TMEM259: variants seen among roughly 807,000 people sequenced by gnomAD.
The protein encoded by TMEM259 is transmembrane protein 259, also known as membralin.
In TMEM259, 26 loss-of-function variants were observed where a neutral mutation model predicts 46.7. That is an observed-to-expected ratio of 0.56 (90% CI 0.41 to 0.77). The LOEUF (loss-of-function observed/expected upper bound fraction) is 0.77. Ranked by LOEUF, TMEM259 falls within the 30% of genes least tolerant of loss-of-function variation. TMEM259 has a pLI of 0.00. For synonymous variants in TMEM259, 494 were observed against 395.1 expected (o/e 1.25, Z -2.97); for missense variants, 930 against 900.5 (o/e 1.03, Z -0.42).
chr19:1,009,970 C>G lies in TMEM259; in HGVS notation c.*380G>C, dbSNP rs1230291028. ...AGAGCCGGGCTGAGGCCGGCCGGCA[C>G]TAGGGCGCGAGGCCCCACCCCAAGC... On this transcript the variant is annotated 3_prime_UTR_variant, in exon 11 of 11. Coordinates refer to ENST00000356663, the MANE Select transcript of TMEM259 (RefSeq NM_001033026.2). 6.3e-6 allele frequency: 2 copies of G among 318,768 alleles called. No homozygotes were observed. The highest frequency in any genetic ancestry group is 7.5e-5 in the South Asian group (1 of 13,418). The allele number at this position is 318,768 out of a possible 1,614,324, so 19.7% of individuals were successfully genotyped here. A position where few individuals can be genotyped will look rare whatever the true frequency, so the allele number is the denominator to read the frequency against.
Position 1,009,916 on chromosome 19 carries a change from T to C in TMEM259, c.*434A>G, listed in dbSNP as rs2038841539. The C allele has an allele frequency of 9.0e-6, 3 of 333,560 alleles. No homozygotes were observed. The highest frequency in any genetic ancestry group is 1.6e-5 in the Non-Finnish European group (3 of 182,872). The allele number at this position is 333,560 out of a possible 1,614,324, so 20.7% of individuals were successfully genotyped here. On this transcript the variant is annotated 3_prime_UTR_variant, in exon 11 of 11. Coordinates refer to ENST00000356663, the MANE Select transcript of TMEM259 (RefSeq NM_001033026.2). ...CGCACACGCGGGGAGGGCGGGGCCA[T>C]GGAGAAGGCACTGCAGGGAGCACCA...
chr19:1,011,691 G>GT, intron 7 of TMEM259, 28 bp from the exon 8 acceptor site: 1 of 1,534,848 alleles, frequency 6.5e-7, no homozygotes, highest in South Asian at 1.2e-5. Context: ...CGGGCGCCCG[G>GT]TGAGGGCCTG....
rs199888865 is a variant in TMEM259 at position 1,011,425 on chromosome 19, C to T, written c.1159G>A (p.Ala387Thr). ...AFYIILIVWL[A>T]DQYDAICCHT... ...CAGCAGATGGCGTCATACTGGTCCG[C>T]GAGCCACACGATGAGGATGATGTAG... is the stretch of plus-strand genomic sequence containing the variant. Residue 387 changes from alanine to threonine, a missense_variant, in exon 9 of 11, where the codon GCG (alanine) becomes ACG (threonine). Ala to Thr is a moderately conservative substitution (Grantham distance 58). Coordinates refer to ENST00000356663, the MANE Select transcript of TMEM259 (RefSeq NM_001033026.2). 7.1e-6 allele frequency: 11 copies of T among 1,552,034 alleles called. No homozygotes were observed. The East Asian group carries it at 1.2e-4, about 17-fold the overall frequency.
At chr19:1,017,143 C>T (rs991350838) in intron 1 of TMEM259, 7 of 398,112 alleles carry the variant, frequency 1.8e-5, no homozygotes, top group East Asian at 3.6e-5. Context: ...AGGCTCATCC[C>T]GAGTCCCGGG....
rs568906861 is a variant in TMEM259, at chr19:1,010,173, C to T, written c.*177G>A. ...CACTAGCGGGTACAAGCCTCGGGCG[C>T]GACCTCACACCAGGGGGAGGAAAGC... On this transcript the variant is annotated 3_prime_UTR_variant, in exon 11 of 11. Transcript: ENST00000356663. 1.4e-4 allele frequency: 81 copies of T among 594,694 alleles called. 2 individuals are homozygous for T. The South Asian group carries it at 1.9e-3, about 14-fold the overall frequency. 36.8% of individuals were successfully genotyped at this position (594,694 alleles called of 1,614,324 possible). A position where few individuals can be genotyped will look rare whatever the true frequency, so the allele number is the denominator to read the frequency against.
chr19:1,014,434 C>G lies in TMEM259; in HGVS notation c.265G>C (p.Val89Leu). Reference protein sequence around the residue: ...VLFVLAYIHIVFSRSPINCLE... With the variant: ...VLFVLAYIHILFSRSPINCLE... ...CAGTTGATGGGCGAGCGGGAGAAGA[C>G]GATGTGGATGTAGGCCAGGACGAAG... Residue 89 changes from valine to leucine, a missense_variant, in exon 2 of 11, where the codon GTC (valine) becomes CTC (leucine). Val to Leu is a conservative substitution (Grantham distance 32). Transcript: ENST00000356663. 6.2e-7 allele frequency: 1 copy of G among 1,611,916 alleles called. No individual in the cohort carries two copies. Among genetic ancestry groups the G allele is most frequent in the Non-Finnish European group, 8.5e-7 (1 of 1,179,856 alleles).
rs770199719 is a variant in TMEM259, at chr19:1,012,099, C to T, written c.808G>A (p.Val270Met). Residue 270 changes from valine to methionine, a missense_variant, in exon 5 of 11, where the codon GTG becomes ATG. Coordinates refer to ENST00000356663, the MANE Select transcript of TMEM259 (RefSeq NM_001033026.2). ...TCCTCGTTCTCGGCCAGGCCCTTCA[C>T]GCTGGACATGAGGATGTCATCGTAG... The part of the protein sequence containing the change: ...LGYDDILMSS[V>M]KGLAENEENK... 1.2e-5 allele frequency: 19 copies of T among 1,611,574 alleles called. No homozygotes were observed. The highest frequency in any genetic ancestry group is 2.7e-5 in the African/African-American group (2 of 74,900).
In TMEM259 at chr19:1,010,619, C is replaced by G. The variant is rs2038873932; in HGVS notation, c.1594G>C (p.Ala532Pro). Reference protein sequence around the residue: ...SLVAAAASVAAAAGGDLGWMA... With the variant: ...SLVAAAASVAPAAGGDLGWMA... ...CAACCCAGGTCACCACCGGCAGCTG[C>G]TGCCACTGAGGCTGCCGCGGCCACC... Residue 532 changes from alanine (A) to proline (P), a missense_variant, in exon 11 of 11, where the codon GCA (alanine) becomes CCA (proline). Ala to Pro is a conservative substitution (Grantham distance 27, BLOSUM62 -1). Coordinates refer to ENST00000356663, the MANE Select transcript of TMEM259 (RefSeq NM_001033026.2). 6.5e-7 allele frequency: 1 copy of G among 1,548,786 alleles called. No homozygotes were observed. Among genetic ancestry groups the G allele is most frequent in the African/African-American group, 1.4e-5 (1 of 73,154 alleles).
intron 2 of TMEM259, among the ~76,000 whole-genome samples, chr19:1,013,872 T>C (rs936280228): frequency 1.3e-5 from 2 of 151,966 alleles, no homozygotes; most frequent in African/African-American, 2.4e-5. Flanking sequence ...CCTCAGCTAT[T>C]GCTGCCCACT....
chr19:1,010,430 T>G lies in TMEM259; in HGVS notation c.1783A>C (p.Thr595Pro). Reference protein sequence around the residue: ...PPSDSAASDTTPLGAAVGGPS... With the variant: ...PPSDSAASDTPPLGAAVGGPS... ...CCGCCTACCGCAGCCCCCAGGGGAGTTGTGTCAGAAGCTGCGGAGTCACTC... is the reference window on the plus strand; with the variant it reads ...CCGCCTACCGCAGCCCCCAGGGGAGGTGTGTCAGAAGCTGCGGAGTCACTC... The change falls in exon 11 of 11, where the codon ACT (threonine) becomes CCT (proline). Residue 595 changes from threonine (T) to proline (P), a missense_variant. Coordinates refer to ENST00000356663, the MANE Select transcript of TMEM259 (RefSeq NM_001033026.2). 1 of 1,529,824 alleles carries G rather than the reference T, an allele frequency of 6.5e-7. No individual in the cohort carries two copies. The highest frequency in any genetic ancestry group is 8.8e-7 in the Non-Finnish European group (1 of 1,140,438). The allele number at this position is 1,529,824 out of a possible 1,614,324, so 94.8% of individuals were successfully genotyped here.
chr19:1,019,977 G>A (rs1180167364), intron 1 of TMEM259, among the ~76,000 whole-genome samples: 4 of 152,170 alleles, frequency 2.6e-5, no homozygotes, highest in African/African-American at 9.7e-5. Context: ...TGAGACCTCT[G>A]CCATCTGAGG....
chr19:1,015,732 G>A (rs993665574), intron 1 of TMEM259, among the ~76,000 whole-genome samples: 20 of 152,288 alleles, frequency 1.3e-4, no homozygotes, highest in South Asian at 6.2e-4. Flanking sequence ...TCCGTGACCC[G>A]TGACCTGCTG....
rs766363691 is a variant in TMEM259 at position 1,011,667 on chromosome 19, C to A, written c.1001-4G>T. On this transcript the variant is annotated splice_polypyrimidine_tract_variant and splice_region_variant and intron_variant, in intron 7 of 10. Coordinates refer to ENST00000356663, the MANE Select transcript of TMEM259 (RefSeq NM_001033026.2). ...TCCAGCATCTGCAGCAGGTCCACTG[C>A]GGGCACAGGGCGGCGGGCGCCCGGT... 27 of 1,544,200 alleles carry A rather than the reference C, an allele frequency of 1.7e-5. No individual in the cohort carries two copies. The highest frequency in any genetic ancestry group is 8.4e-5 in the South Asian group (7 of 83,566).
At chr19:1,012,959 C>G (rs1164479708) in intron 3 of TMEM259, among the ~76,000 whole-genome samples, 1 of 152,194 alleles carries the variant, frequency 6.6e-6, no homozygotes, top group African/African-American at 2.4e-5. Flanking sequence ...CTGAGCACAG[C>G]CCGCTAGAAC....
Position 1,009,703 on chromosome 19 carries a change from C to T in TMEM259, c.*647G>A, listed in dbSNP as rs1328060535. On this transcript the variant is annotated 3_prime_UTR_variant, in exon 11 of 11. Transcript: ENST00000356663. Reference sequence around the variant, plus strand: ...TATACAAACACAATTTTGTACACTGCAATTAAATAGAATGGAATGAGCGCT... The same window carrying T: ...TATACAAACACAATTTTGTACACTGTAATTAAATAGAATGGAATGAGCGCT... 5 of 998,166 alleles carry T rather than the reference C, an allele frequency of 5.0e-6. No homozygotes were observed. Among genetic ancestry groups the T allele is most frequent in the Non-Finnish European group, 5.4e-6 (4 of 744,058 alleles). The allele number at this position is 998,166 out of a possible 1,614,324, so 61.8% of individuals were successfully genotyped here. A position where few individuals can be genotyped will look rare whatever the true frequency, so the allele number is the denominator to read the frequency against.
rs375149925 is a variant in TMEM259 at position 1,010,773 on chromosome 19, A to G, written c.1440T>C (p.Asp480=). 63 of 1,552,080 alleles carry G rather than the reference A, an allele frequency of 4.1e-5. No individual in the cohort carries two copies. Among genetic ancestry groups the G allele is most frequent in the Non-Finnish European group, 4.5e-5 (52 of 1,157,416 alleles). ...GGGCGCCCGAGTTGTTGTTCATGTCATCGGGCAGCGCCGTGGGGGTCCCGG... is the reference window on the plus strand; with the variant it reads ...GGGCGCCCGAGTTGTTGTTCATGTCGTCGGGCAGCGCCGTGGGGGTCCCGG... The part of the protein sequence containing the change: ...LGPGTPTALP[D]DMNNNSGAPA... Residue 480 remains aspartate (D), a synonymous_variant, in exon 11 of 11, where the codon GAT becomes GAC. Transcript: ENST00000356663.
Position 1,009,731 on chromosome 19 carries a change from T to TCCGC in TMEM259, c.*615_*618dup. The TCCGC allele has an allele frequency of 4.9e-6, 4 of 808,988 alleles. No homozygotes were observed. In the South Asian group the frequency reaches 1.1e-4, roughly 22 times the overall value. The allele number at this position is 808,988 out of a possible 1,614,324, so 50.1% of individuals were successfully genotyped here. On this transcript the variant is annotated 3_prime_UTR_variant, in exon 11 of 11. Transcript: ENST00000356663. ...TTAAATAGAATGGAATGAGCGCTCC[T>TCCGC]CCGCATTCCTCCCCGAGTGACTGGT...
chr19:1,018,000 C>T (rs1398966012), intron 1 of TMEM259, among the ~76,000 whole-genome samples: 2 of 152,140 alleles, frequency 1.3e-5, no homozygotes, highest in South Asian at 2.1e-4. Context: ...CGTCTTTAAT[C>T]GTCACGACCC....
chr19:1,014,354 C>T lies in TMEM259; in HGVS notation c.345G>A (p.Val115=). Residue 115 remains valine (V), a synonymous_variant, in exon 2 of 11, where the codon GTG becomes GTA. Transcript: ENST00000356663. ...CGGGCGCGCGGCTCGAGTTGTGCCG[C>T]ACTTCCACACGCAGGATGCCCTCAC... The part of the protein sequence containing the change: ...WPREGILRVE[V]RHNSSRAPVF... 9 of 1,612,998 alleles carry T rather than the reference C, an allele frequency of 5.6e-6. 1 individual carries two copies. The highest frequency in any genetic ancestry group is 7.6e-6 in the Non-Finnish European group (9 of 1,179,916).
Sources: gnomAD v4.1 joint callset for allele counts (sites outside exome capture counted in the v4.1 genomes callset) on GRCh38, gnomAD v4.1.1 for gene constraint, MANE v1.5 for transcripts, NCBI Gene and HGNC (gene_info 2026-07-23, HGNC 2026-07-21) for gene names.